The following DCBLD1 variants were observed in gnomAD, a reference collection of about 807,000 sequenced individuals.
DCBLD1 encodes discoidin, CUB and LCCL domain containing 1, also known as discoidin, CUB and LCCL domain-containing protein 1.
A neutral mutation model predicts 71.5 loss-of-function variants in DCBLD1; 57 were observed. The ratio of observed to expected loss-of-function variants is 0.80; its 90% confidence interval spans 0.64 to 0.99. The LOEUF (loss-of-function observed/expected upper bound fraction) is 0.99, where lower values mean the gene tolerates loss of function less well. Ranked by LOEUF, DCBLD1 falls within the 50% of genes least tolerant of loss-of-function variation. DCBLD1 has a pLI of 0.00. For missense variants in DCBLD1, 891 were observed against 923.5 expected (o/e 0.96, Z 0.46); for synonymous variants, 380 against 363.8 (o/e 1.04, Z -0.51).
intron 2 of DCBLD1, among the ~76,000 whole-genome samples, chr6:117,518,797 T>G (rs1312221341): frequency 6.6e-6 from 1 of 152,160 alleles, no homozygotes; most frequent in African/African-American, 2.4e-5. Flanking sequence ...ACCAGGTCCC[T>G]CCCACAACAC....
Position 117,482,715 on chromosome 6 carries a change from CG to C in DCBLD1, c.-64del. On this transcript the variant is annotated 5_prime_UTR_variant, in exon 1 of 15. Coordinates refer to ENST00000338728, the MANE Select transcript of DCBLD1 (RefSeq NM_001366458.2). ...CGTCCGCAGAGGAGGCGGCCCGGCCCGGGCAGCTGCGGCTCGGGATCCGTCG... is the reference window on the plus strand; with the variant it reads ...CGTCCGCAGAGGAGGCGGCCCGGCCCGGCAGCTGCGGCTCGGGATCCGTCG... The C allele has an allele frequency of 2.7e-6, 3 of 1,104,554 alleles. No individual in the cohort carries two copies. Among genetic ancestry groups the C allele is most frequent in the Non-Finnish European group, 3.3e-6 (3 of 907,266 alleles). 68.4% of individuals were successfully genotyped at this position (1,104,554 alleles called of 1,614,324 possible). A position where few individuals can be genotyped will look rare whatever the true frequency, so the allele number is the denominator to read the frequency against.
At chr6:117,529,540 T>C (rs995198399) in intron 5 of DCBLD1, among the ~76,000 whole-genome samples, 1 of 152,054 alleles carries the variant, frequency 6.6e-6, no homozygotes, top group Non-Finnish European at 1.5e-5. Context: ...AGCTAGAAAA[T>C]AAAAGTATAA....
At chr6:117,488,328 G>A (rs1777160868) in intron 1 of DCBLD1, among the ~76,000 whole-genome samples, 2 of 152,296 alleles carry the variant, frequency 1.3e-5, no homozygotes, top group African/African-American at 4.8e-5. Context: ...TGGAGCGTTA[G>A]GAAACACTGT....
intron 2 of DCBLD1, among the ~76,000 whole-genome samples, chr6:117,509,748 C>G (rs1311745232): frequency 6.6e-6 from 1 of 152,176 alleles, no homozygotes; most frequent in East Asian, 1.9e-4. Context: ...TGAGCTCCAG[C>G]AGCACACCCT....
chr6:117,502,193 T>A (rs1010712731), intron 1 of DCBLD1, among the ~76,000 whole-genome samples: 2 of 152,242 alleles, frequency 1.3e-5, no homozygotes, highest in Non-Finnish European at 2.9e-5. Context: ...CAAAAAATTC[T>A]ATGTGTCTTT....
At chr6:117,489,550 C>T (rs946534534) in intron 1 of DCBLD1, among the ~76,000 whole-genome samples, 5 of 152,108 alleles carry the variant, frequency 3.3e-5, no homozygotes, top group African/African-American at 1.2e-4. Context: ...CCCCATACCA[C>T]CCCCCTTTTA....
chr6:117,530,819 A>G (rs1778693227), intron 5 of DCBLD1, among the ~76,000 whole-genome samples: 1 of 152,234 alleles, frequency 6.6e-6, no homozygotes, highest in Admixed American at 6.5e-5. Flanking sequence ...AATATACAGA[A>G]AATTCAGGAA....
rs1304091402 is a variant in DCBLD1, at chr6:117,482,925, C to T, written c.112+32C>T. 224 of 1,170,972 alleles carry T rather than the reference C, an allele frequency of 1.9e-4. 1 individual carries two copies. Among genetic ancestry groups the T allele is most frequent in the Non-Finnish European group, 2.3e-4 (217 of 948,958 alleles). 72.5% of individuals were successfully genotyped at this position (1,170,972 alleles called of 1,614,324 possible). Reference sequence around the variant, plus strand: ...GGAGCGCGTCCGGCTGGCGGCGGGACCCGAGGCGCCAGGGGCGGGCTGAGG... The same window carrying T: ...GGAGCGCGTCCGGCTGGCGGCGGGATCCGAGGCGCCAGGGGCGGGCTGAGG... On this transcript the variant is annotated intron_variant, in intron 1 of 14. Coordinates refer to ENST00000338728, the MANE Select transcript of DCBLD1 (RefSeq NM_001366458.2).
chr6:117,494,595 T>C (rs1777409616), intron 1 of DCBLD1, among the ~76,000 whole-genome samples: 2 of 152,222 alleles, frequency 1.3e-5, no homozygotes, highest in Admixed American at 1.3e-4. Flanking sequence ...ACAAGTTTTT[T>C]TTTTTTCTTA....
At chr6:117,527,530 T>G (rs1778582715) in intron 5 of DCBLD1, among the ~76,000 whole-genome samples, 1 of 152,176 alleles carries the variant, frequency 6.6e-6, no homozygotes, top group Non-Finnish European at 1.5e-5. Flanking sequence ...TACAGAGCTA[T>G]TATAGAAAAG....
chr6:117,497,443 C>G (rs1331793037), intron 1 of DCBLD1, among the ~76,000 whole-genome samples: 1 of 152,094 alleles, frequency 6.6e-6, no homozygotes. Context: ...TTAAAGTAGA[C>G]TAAATAAAGG....
rs1372783736 is a variant in DCBLD1 at position 117,539,276 on chromosome 6, C to T, written c.998C>T (p.Thr333Ile). ...KITGIRTTGSTQSNFNFYVKS... is the reference protein window; with the variant it reads ...KITGIRTTGSIQSNFNFYVKS... ...CAAGGAATTAGGACCACAGGATCTA[C>T]ACAGTCGAACTTCAACTTTTATGTT... Residue 333 changes from threonine to isoleucine, a missense_variant, in exon 9 of 15, where the codon ACA becomes ATA. Thr to Ile is a moderately conservative substitution (Grantham distance 89). Coordinates refer to ENST00000338728, the MANE Select transcript of DCBLD1 (RefSeq NM_001366458.2). 5.0e-6 allele frequency: 8 copies of T among 1,602,594 alleles called. No individual in the cohort carries two copies. In the African/African-American group the frequency reaches 9.4e-5, roughly 19 times the overall value.
At chr6:117,494,412 G>A (rs1777403344) in intron 1 of DCBLD1, among the ~76,000 whole-genome samples, 1 of 152,104 alleles carries the variant, frequency 6.6e-6, no homozygotes, top group Non-Finnish European at 1.5e-5. Context: ...ATGTTCCAGC[G>A]GCAGGAAAGA....
intron 2 of DCBLD1, among the ~76,000 whole-genome samples, chr6:117,511,519 A>G (rs768684686): frequency 3.8e-4 from 58 of 152,208 alleles, no homozygotes; most frequent in Admixed American, 2.0e-3. Context: ...TAGAAGCACA[A>G]TCATGTGAAG....
chr6:117,516,026 G>A (rs1351942854), intron 2 of DCBLD1, among the ~76,000 whole-genome samples: 2 of 151,974 alleles, frequency 1.3e-5, no homozygotes, highest in African/African-American at 4.8e-5. Context: ...CACTTATATA[G>A]CTCTTACTAT....
chr6:117,512,598 C>T (rs1778058666), intron 2 of DCBLD1, among the ~76,000 whole-genome samples: 1 of 152,162 alleles, frequency 6.6e-6, no homozygotes, highest in Non-Finnish European at 1.5e-5. Context: ...TACCTCTGAG[C>T]ACAGATCTGG....
chr6:117,511,393 T>C (rs1778016125), intron 2 of DCBLD1, among the ~76,000 whole-genome samples: 1 of 152,184 alleles, frequency 6.6e-6, no homozygotes, highest in Non-Finnish European at 1.5e-5. Flanking sequence ...CTAATGGAAG[T>C]TAAATTGGTT....
chr6:117,548,111 G>C lies in DCBLD1; in HGVS notation c.1820G>C (p.Arg607Pro). 6.5e-7 allele frequency: 1 copy of C among 1,549,684 alleles called. No homozygotes were observed. The highest frequency in any genetic ancestry group is 8.7e-7 in the Non-Finnish European group (1 of 1,146,530). ...EPEYATPIVERHVLRAHTFSA... is the reference protein window; with the variant it reads ...EPEYATPIVEPHVLRAHTFSA... The stretch of plus-strand genomic sequence containing the variant: ...GAGTACGCCACGCCCATCGTGGAGC[G>C]GCACGTGCTGCGCGCCCACACGTTC... Residue 607 changes from arginine (R) to proline (P), a missense_variant, in exon 15 of 15, where the codon CGG becomes CCG. By Grantham distance (103) the Arg-to-Pro change is moderately radical. Transcript: ENST00000338728.
At chr6:117,506,671 A>G (rs1218640129) in intron 2 of DCBLD1, among the ~76,000 whole-genome samples, 1 of 152,212 alleles carries the variant, frequency 6.6e-6, no homozygotes, top group East Asian at 1.9e-4. Context: ...GAGAGTGGAC[A>G]TTCCTGTGCA....
Sources: allele counts gnomAD v4.1 joint callset (sites outside exome capture counted in the v4.1 genomes callset), GRCh38; gene constraint gnomAD v4.1.1; transcripts MANE v1.5; gene names NCBI Gene and HGNC (gene_info 2026-07-23, HGNC 2026-07-21).